Variants in NCAM2 observed in about 807,000 individuals in gnomAD.
NCAM2 encodes the protein neural cell adhesion molecule 2.
A neutral mutation model predicts 98.1 loss-of-function variants in NCAM2; 30 were observed. The ratio of observed to expected loss-of-function variants is 0.31; its 90% CI spans 0.23 to 0.41. The LOEUF is 0.41. NCAM2 is among the 10% of genes least tolerant of loss of function. The probability of loss-of-function intolerance (pLI) is 1.00; values close to 1 mark genes in which losing one functional copy is unlikely to be tolerated. For missense variants in NCAM2, 867 were observed against 1,005.8 expected (o/e 0.86, Z 1.87); for synonymous variants, 368 against 342.4 (o/e 1.07, Z -0.83).
At position 21,318,024 on chromosome 21, in the gene NCAM2, T is replaced by G. The variant is rs555981588; in HGVS notation, c.620-6359T>G. The stretch of plus-strand genomic sequence containing the variant: ...TTGGATAAGGAGATAATTGAACTTT[T>G]TCTCCATTAGCACAATCCAATAGCT... On this transcript the variant is annotated intron_variant, in intron 5 of 17. Coordinates refer to ENST00000400546, the MANE Select transcript of NCAM2 (RefSeq NM_004540.5). Among the ~76,000 whole-genome samples, 12 of 152,274 alleles carry G rather than the reference T, an allele frequency of 7.9e-5. No individual in the cohort carries two copies. The South Asian group carries it at 1.2e-3, about 16-fold the overall frequency.
chr21:21,259,330 G>T (rs1246372828), intron 1 of NCAM2, among the ~76,000 whole-genome samples: 3 of 152,082 alleles, frequency 2.0e-5, no homozygotes, highest in Non-Finnish European at 4.4e-5. Flanking sequence ...CCACACTGTG[G>T]CCAGGAACCA....
intron 1 of NCAM2, among the ~76,000 whole-genome samples, chr21:21,242,861 G>A (rs775960592): frequency 6.6e-6 from 1 of 152,114 alleles, no homozygotes; most frequent in Non-Finnish European, 1.5e-5. Context: ...AGGAGGAAAA[G>A]CTTTTGGAAT....
intron 5 of NCAM2, among the ~76,000 whole-genome samples, chr21:21,299,602 C>T (rs1601906662): frequency 6.6e-6 from 1 of 151,152 alleles, no homozygotes; most frequent in African/African-American, 2.4e-5. Context: ...TCCTTCCCTC[C>T]CTCCCTCCCT....
chr21:21,442,168 G>A (rs1979384361), intron 12 of NCAM2, among the ~76,000 whole-genome samples: 1 of 152,020 alleles, frequency 6.6e-6, no homozygotes, highest in South Asian at 2.1e-4. Flanking sequence ...AAATATCTAG[G>A]ATCACTCTAG....
At chr21:21,462,161 G>A (rs913135253) in intron 12 of NCAM2, among the ~76,000 whole-genome samples, 17 of 151,938 alleles carry the variant, frequency 1.1e-4, no homozygotes, top group African/African-American at 3.9e-4. Context: ...TTTTACCCTT[G>A]CTAAGCTTTG....
intron 2 of NCAM2, among the ~76,000 whole-genome samples, chr21:21,281,837 A>T (rs925888787): frequency 1.3e-5 from 2 of 151,842 alleles, no homozygotes; most frequent in Admixed American, 6.6e-5. Flanking sequence ...GACATGATTT[A>T]TTTAAACCAA....
intron 1 of NCAM2, among the ~76,000 whole-genome samples, chr21:21,004,105 C>T (rs1368652621): frequency 6.6e-6 from 1 of 152,140 alleles, no homozygotes; most frequent in Non-Finnish European, 1.5e-5. Context: ...ACTAGAGCTC[C>T]AGTCTCCAAA....
At chr21:21,210,201 A>C (rs749315627) in intron 1 of NCAM2, among the ~76,000 whole-genome samples, 1 of 152,204 alleles carries the variant, frequency 6.6e-6, no homozygotes, top group African/African-American at 2.4e-5. Context: ...AAAATGGGTT[A>C]ATTTGGCAAG....
intron 12 of NCAM2, among the ~76,000 whole-genome samples, chr21:21,456,938 T>C (rs1400373163): frequency 6.6e-6 from 1 of 152,202 alleles, no homozygotes. Flanking sequence ...GCTCTGGAAC[T>C]GTGAGAAATT....
At chr21:21,080,178 A>G (rs772727323) in intron 1 of NCAM2, among the ~76,000 whole-genome samples, 1 of 152,190 alleles carries the variant, frequency 6.6e-6, no homozygotes, top group Non-Finnish European at 1.5e-5. Flanking sequence ...TTATGGGTGT[A>G]TGTATTTGCT....
intron 1 of NCAM2, among the ~76,000 whole-genome samples, chr21:21,037,436 G>A (rs9980453): frequency 2.8e-4 from 43 of 152,242 alleles, no homozygotes; most frequent in African/African-American, 1.0e-3. Context: ...GTTTTAAGAA[G>A]ACAAATGAAT....
chr21:21,341,061 T>G (rs2075018104), intron 8 of NCAM2, among the ~76,000 whole-genome samples: 1 of 152,140 alleles, frequency 6.6e-6, no homozygotes, highest in African/African-American at 2.4e-5. Flanking sequence ...CATTTTACTT[T>G]GTCATATTAC....
At chr21:21,222,822 A>G (rs2070224459) in intron 1 of NCAM2, among the ~76,000 whole-genome samples, 1 of 152,142 alleles carries the variant, frequency 6.6e-6, no homozygotes, top group Non-Finnish European at 1.5e-5. Flanking sequence ...CTCATTTTCA[A>G]AGAAGTCCTA....
intron 1 of NCAM2, among the ~76,000 whole-genome samples, chr21:21,092,270 C>T (rs959528332): frequency 7.2e-5 from 11 of 151,962 alleles, no homozygotes; most frequent in Non-Finnish European, 1.3e-4. Context: ...GGGAGGAAAA[C>T]TCTGAAATAT....
intron 1 of NCAM2, among the ~76,000 whole-genome samples, chr21:21,068,159 C>T (rs1461217300): frequency 6.2e-5 from 7 of 113,814 alleles, no homozygotes; most frequent in Admixed American, 2.3e-4. Flanking sequence ...TTTTTTGAGA[C>T]GGAGTCTTGC....
chr21:21,198,579 A>G (rs752730908), intron 1 of NCAM2, among the ~76,000 whole-genome samples: 8 of 152,206 alleles, frequency 5.3e-5, no homozygotes, highest in Non-Finnish European at 1.2e-4. Flanking sequence ...TGTAGAAAAA[A>G]TAATTCTTAT....
intron 1 of NCAM2, among the ~76,000 whole-genome samples, chr21:21,190,737 G>T (rs1569128954): frequency 6.6e-6 from 1 of 152,148 alleles, no homozygotes; most frequent in Non-Finnish European, 1.5e-5. Flanking sequence ...CTCACAGGAT[G>T]ACTTTGGACA....
chr21:21,154,459 G>C (rs992906931), intron 1 of NCAM2, among the ~76,000 whole-genome samples: 26 of 151,726 alleles, frequency 1.7e-4, no homozygotes, highest in Middle Eastern at 3.4e-3. Context: ...CATTAGAAAA[G>C]AGTTTTATAT....
chr21:21,195,064 G>T (rs2068957442), intron 1 of NCAM2, among the ~76,000 whole-genome samples: 1 of 152,208 alleles, frequency 6.6e-6, no homozygotes. Flanking sequence ...AAGGAGTAGA[G>T]AAGATGTTAT....
Sources: allele counts gnomAD v4.1 joint callset (sites outside exome capture counted in the v4.1 genomes callset), GRCh38; gene constraint gnomAD v4.1.1; transcripts MANE v1.5; gene names NCBI Gene and HGNC (gene_info 2026-07-23, HGNC 2026-07-21).